MYCBP2: variants seen among roughly 807,000 people sequenced by gnomAD.
The protein encoded by MYCBP2 is E3 ubiquitin-protein ligase MYCBP2.
In MYCBP2, 120 loss-of-function variants were observed where a neutral mutation model predicts 525.3. The ratio of observed to expected loss-of-function variants is 0.23; its 90% CI spans 0.20 to 0.27. The LOEUF (loss-of-function observed/expected upper bound fraction) is 0.27. Ranked by LOEUF, MYCBP2 falls within the 10% of genes least tolerant of loss-of-function variation. The probability of loss-of-function intolerance (pLI) is 1.00; values close to 1 mark genes in which losing one functional copy is unlikely to be tolerated. For missense variants in MYCBP2, 4,149 were observed against 5,657.1 expected (o/e 0.73, Z 8.55); for synonymous variants, 1,894 against 1,955.8 (o/e 0.97, Z 0.83).
intron 72 of MYCBP2, among the ~76,000 whole-genome samples, chr13:77,064,958 A>T (rs1038336118): frequency 6.6e-6 from 1 of 152,160 alleles, no homozygotes; most frequent in African/African-American, 2.4e-5. Context: ...AATAAATAAA[A>T]AATTAAGTTC....
At chr13:77,287,919 C>G (rs540127062) in intron 3 of MYCBP2, among the ~76,000 whole-genome samples, 3 of 152,162 alleles carry the variant, frequency 2.0e-5, no homozygotes, top group Non-Finnish European at 4.4e-5. Context: ...CAGACTCCAA[C>G]CCACTGATCT....
chr13:77,314,486 T>C (rs1567234896), intron 1 of MYCBP2, among the ~76,000 whole-genome samples: 1 of 152,096 alleles, frequency 6.6e-6, no homozygotes, highest in African/African-American at 2.4e-5. Flanking sequence ...TGAACCTAAA[T>C]GCACATTACT....
intron 40 of MYCBP2, among the ~76,000 whole-genome samples, chr13:77,166,856 C>CTCTCTAAG (rs2058577638): frequency 6.6e-6 from 1 of 151,998 alleles, no homozygotes; most frequent in South Asian, 2.1e-4. Context: ...AAATAAATGA[C>CTCTCTAAG]TCTCTAAGTG....
chr13:77,056,877 C>T, intron 79 of MYCBP2, 109 bp downstream of exon 79: 1 of 748,566 alleles, frequency 1.3e-6, no homozygotes, highest in Non-Finnish European at 2.3e-6. Flanking sequence ...GAAGAAACTG[C>T]TAGGGGCTGG....
chr13:77,229,548 A>G (rs1452682731), intron 18 of MYCBP2, among the ~76,000 whole-genome samples: 1 of 152,234 alleles, frequency 6.6e-6, no homozygotes, highest in African/African-American at 2.4e-5. Context: ...TGAAAGAGAA[A>G]ACAAATAATT....
chr13:77,212,239 TAAAAA>T, intron 21 of MYCBP2, 79 bp from the exon 22 acceptor site: 6 of 1,257,094 alleles, frequency 4.8e-6, no homozygotes, highest in Non-Finnish European at 4.4e-6. Context: ...AGGCAGTAGA[TAAAAA>T]TCAATCTATG....
chr13:77,207,037 ATACT>A (rs764334737), intron 23 of MYCBP2, among the ~76,000 whole-genome samples: 4 of 152,366 alleles, frequency 2.6e-5, no homozygotes, highest in East Asian at 1.9e-4. Flanking sequence ...GTAGATTATA[ATACT>A]TAATACAGAA....
At chr13:77,176,224 G>C (rs1363300152) in intron 36 of MYCBP2, among the ~76,000 whole-genome samples, 1 of 151,980 alleles carries the variant, frequency 6.6e-6, no homozygotes, top group East Asian at 1.9e-4. Flanking sequence ...GTGTCTTAAA[G>C]TCAGCATGTG....
chr13:77,136,622 G>A (rs1314691055), intron 52 of MYCBP2, among the ~76,000 whole-genome samples: 1 of 152,158 alleles, frequency 6.6e-6, no homozygotes, highest in Non-Finnish European at 1.5e-5. Context: ...CTATACAGTG[G>A]TCTCATTGAG....
chr13:77,125,417 C>G lies in MYCBP2; in HGVS notation c.7936G>C (p.Glu2646Gln). The G allele has an allele frequency of 6.2e-7, 1 of 1,613,998 alleles. No homozygotes were observed. Among genetic ancestry groups the G allele is most frequent in the Non-Finnish European group, 8.5e-7 (1 of 1,179,876 alleles). ...TCTCCTTCATCACTCTCACAGAACTCTACCATGCTGTTCTGATCCAGTTGC... is the reference window on the plus strand; with the variant it reads ...TCTCCTTCATCACTCTCACAGAACTGTACCATGCTGTTCTGATCCAGTTGC... ...WVQLDQNSMV[E>Q]FCESDEGEAW... Residue 2646 changes from glutamate to glutamine, a missense_variant, in exon 54 of 83, where the codon GAG (glutamate) becomes CAG (glutamine). Glu to Gln is a conservative substitution (Grantham distance 29). This residue lies in a region of MYCBP2 where 653 missense variants were observed against 744.7 expected (regional missense o/e 0.88). Coordinates refer to ENST00000544440, the MANE Select transcript of MYCBP2 (RefSeq NM_015057.5).
intron 29 of MYCBP2, 88 bp downstream of exon 29, chr13:77,190,164 C>A (rs2061161123): frequency 2.9e-6 from 2 of 698,216 alleles, no homozygotes; most frequent in Non-Finnish European, 4.6e-6. Flanking sequence ...CAAATAATTT[C>A]TCCCTATTAT....
intron 50 of MYCBP2, 87 bp from the exon 51 acceptor site, chr13:77,140,250 G>T: frequency 3.9e-6 from 3 of 772,472 alleles, no homozygotes; most frequent in South Asian, 2.2e-5. Flanking sequence ...AAGCAGGTTT[G>T]AAAGTATCGT....
At chr13:77,053,182 G>C (rs549945481) in intron 80 of MYCBP2, among the ~76,000 whole-genome samples, 54 of 151,234 alleles carry the variant, frequency 3.6e-4, no homozygotes, top group Non-Finnish European at 6.5e-4. Flanking sequence ...TCAGAATTCT[G>C]CTCATAGTTA....
chr13:77,199,039 C>A (rs1235767809), intron 26 of MYCBP2, among the ~76,000 whole-genome samples: 1 of 152,152 alleles, frequency 6.6e-6, no homozygotes, highest in Non-Finnish European at 1.5e-5. Flanking sequence ...GGGGAGGAGG[C>A]AAGATGGCTG....
In MYCBP2 at chr13:77,128,416, C is replaced by T. The variant is rs115091489; in HGVS notation, c.7660-1874G>A. ...CTGGTATTTAATAATATTCCTAGTG[C>T]ATTTAATTAATTATAACAATAATTC... On this transcript the variant is annotated intron_variant, in intron 52 of 82. Coordinates refer to ENST00000544440, the MANE Select transcript of MYCBP2 (RefSeq NM_015057.5). 3.7e-3 allele frequency among the ~76,000 whole-genome samples: 562 copies of T among 151,948 alleles called. 3 individuals carry two copies. The highest frequency in any genetic ancestry group is 0.013 in the African/African-American group (534 of 41,540).
intron 23 of MYCBP2, among the ~76,000 whole-genome samples, chr13:77,207,266 G>C (rs1429000543): frequency 1.3e-5 from 2 of 152,194 alleles, no homozygotes; most frequent in Non-Finnish European, 2.9e-5. Flanking sequence ...GACATGGAAT[G>C]CTATCCATAG....
chr13:77,158,343 G>A (rs1415971428), intron 44 of MYCBP2, among the ~76,000 whole-genome samples: 1 of 152,088 alleles, frequency 6.6e-6, no homozygotes, highest in Non-Finnish European at 1.5e-5. Context: ...TCAGAGATCT[G>A]CATGCTGGAT....
intron 62 of MYCBP2, among the ~76,000 whole-genome samples, chr13:77,087,260 T>C (rs996044135): frequency 1.3e-5 from 2 of 152,198 alleles, no homozygotes; most frequent in East Asian, 3.8e-4. Context: ...GAAATGAGGC[T>C]GAACTCAGGC....
intron 80 of MYCBP2, among the ~76,000 whole-genome samples, chr13:77,053,094 T>C (rs2037168580): frequency 2.0e-5 from 3 of 150,796 alleles, no homozygotes; most frequent in South Asian, 2.1e-4. Context: ...GCTGAGATCA[T>C]GCCACTGCAC....
Sources: gnomAD v4.1 joint callset for allele counts (sites outside exome capture counted in the v4.1 genomes callset) on GRCh38, gnomAD v4.1.1 for gene constraint, gnomAD v4.1.1 regional missense constraint, MANE v1.5 for transcripts, NCBI Gene and HGNC (gene_info 2026-07-23, HGNC 2026-07-21) for gene names.